Variants in EVA1A observed in about 807,000 individuals in gnomAD.
EVA1A encodes protein eva-1 homolog A.
Under a neutral mutation model 9.8 loss-of-function variants are expected in EVA1A, and 7 were observed. That is an observed-to-expected ratio of 0.71 (90% CI 0.41 to 1.34). EVA1A has a LOEUF of 1.34. Ranked by LOEUF, EVA1A falls within the 40% of genes most tolerant of loss-of-function variation. The probability of loss-of-function intolerance (pLI) is 0.01; values close to 1 mark genes in which losing one functional copy is unlikely to be tolerated. For missense variants in EVA1A, 206 were observed against 205.9 expected (o/e 1.00, Z 0.00); for synonymous variants, 90 against 85.6 (o/e 1.05, Z -0.28).
chr2:75,493,215 T>A lies in EVA1A; in HGVS notation c.*21A>T. 20 of 1,590,938 alleles carry A rather than the reference T, an allele frequency of 1.3e-5. No homozygotes were observed. Among genetic ancestry groups the A allele is most frequent in the Non-Finnish European group, 1.7e-5 (20 of 1,167,620 alleles). On this transcript the variant is annotated 3_prime_UTR_variant, in exon 4 of 4. Coordinates refer to ENST00000393913, the MANE Select transcript of EVA1A (RefSeq NM_001135032.2). The stretch of plus-strand genomic sequence containing the variant: ...CTCCTTTCCAGGCGGCCTCCAGTGG[T>A]TTCCGGGGTCCTGCTGCTCCCTAAT...
intron 3 of EVA1A, among the ~76,000 whole-genome samples, chr2:75,501,440 C>G (rs1247791300): frequency 6.6e-6 from 1 of 152,116 alleles, no homozygotes; most frequent in Non-Finnish European, 1.5e-5. Context: ...TGGAAATTCT[C>G]CCCTTAGGAA....
At chr2:75,539,126 C>A (rs909028399) in intron 1 of EVA1A, among the ~76,000 whole-genome samples, 1 of 152,172 alleles carries the variant, frequency 6.6e-6, no homozygotes, top group Non-Finnish European at 1.5e-5. Context: ...GAACCATAAT[C>A]TGCACATTAA....
At chr2:75,555,794 T>G (rs1413387113) in intron 1 of EVA1A, among the ~76,000 whole-genome samples, 1 of 152,184 alleles carries the variant, frequency 6.6e-6, no homozygotes, top group East Asian at 1.9e-4. Context: ...ACCATATGCC[T>G]ACATGTCTTC....
At chr2:75,567,399 T>C (rs77708153) in intron 1 of EVA1A, among the ~76,000 whole-genome samples, 2,571 of 152,284 alleles carry the variant, frequency 0.017, 74 homozygotes, top group African/African-American at 0.058. Context: ...TGTTAGGGTT[T>C]CATTATGAGA....
intron 3 of EVA1A, among the ~76,000 whole-genome samples, chr2:75,516,140 T>C (rs902415824): frequency 6.6e-6 from 1 of 152,248 alleles, no homozygotes; most frequent in Non-Finnish European, 1.5e-5. Context: ...GATTAGGACA[T>C]TTTCCACAAT....
intron 1 of EVA1A, among the ~76,000 whole-genome samples, chr2:75,528,365 C>T (rs985456225): frequency 2.0e-5 from 3 of 152,128 alleles, no homozygotes; most frequent in African/African-American, 7.2e-5. Context: ...AGCAGGGAGG[C>T]TTGTAGCCTG....
At chr2:75,566,641 A>C (rs1677034350) in intron 1 of EVA1A, among the ~76,000 whole-genome samples, 1 of 152,220 alleles carries the variant, frequency 6.6e-6, no homozygotes, top group South Asian at 2.1e-4. Context: ...ATTTCCTCAC[A>C]GGCCCTAGTC....
At chr2:75,512,622 G>T (rs1276329506) in intron 3 of EVA1A, among the ~76,000 whole-genome samples, 2 of 152,196 alleles carry the variant, frequency 1.3e-5, no homozygotes, top group Non-Finnish European at 2.9e-5. Flanking sequence ...GACATTAAAA[G>T]CTCTGGTAAG....
At chr2:75,508,004 A>G (rs1026744538) in intron 3 of EVA1A, among the ~76,000 whole-genome samples, 4 of 152,196 alleles carry the variant, frequency 2.6e-5, no homozygotes, top group Non-Finnish European at 4.4e-5. Context: ...CTTTACTGCA[A>G]TCTCTAAACA....
In EVA1A at chr2:75,549,005, TA is replaced by T. The variant is rs1366574957; in HGVS notation, c.-192+11674del. On this transcript the variant is annotated intron_variant, in intron 1 of 3. Transcript: ENST00000393913. ...AAAAATATATATATATATATATATA[TA>T]TATTTTTTTTTTTTTTACTAATAAA... Among the ~76,000 whole-genome samples, 273 of 97,086 alleles carry T rather than the reference TA, an allele frequency of 2.8e-3. 2 individuals are homozygous for T. The highest frequency in any genetic ancestry group is 0.011 in the African/African-American group (234 of 20,636). 63.7% of individuals were successfully genotyped at this position (97,086 alleles called of 152,430 possible). A position where few individuals can be genotyped will look rare whatever the true frequency, so the allele number is the denominator to read the frequency against.
Position 75,518,071 on chromosome 2 carries a change from A to T in EVA1A, c.70T>A (p.Tyr24Asn). 6.2e-7 allele frequency: 1 copy of T among 1,614,116 alleles called. No individual in the cohort carries two copies. The highest frequency in any genetic ancestry group is 8.5e-7 in the Non-Finnish European group (1 of 1,179,992). Residue 24 changes from tyrosine to asparagine, a missense_variant, in exon 3 of 4, where the codon TAT (tyrosine) becomes AAT (asparagine). Physicochemically the swap from Tyr to Asn is moderately radical, Grantham distance 143 (BLOSUM62 -2). Coordinates refer to ENST00000393913, the MANE Select transcript of EVA1A (RefSeq NM_001135032.2). ...AGGCACCTACCTGAGACAAAGGAAT[A>T]GGCCGCTAGGATGTTGCTGAGCAAA... ...MALLSNILAA[Y>N]SFVSENPERA... is the part of the protein sequence containing the mutation.
At chr2:75,547,319 G>T (rs1260714312) in intron 1 of EVA1A, among the ~76,000 whole-genome samples, 2 of 152,170 alleles carry the variant, frequency 1.3e-5, no homozygotes, top group Non-Finnish European at 2.9e-5. Context: ...AATGGTACAG[G>T]CTTTGACACC....
upstream of EVA1A, among the ~76,000 whole-genome samples, chr2:75,562,067 ACCCTCGGG>A (rs554990342): frequency 3.1e-4 from 47 of 151,868 alleles, no homozygotes; most frequent in South Asian, 9.8e-3. Context: ...GGAAATGAAA[ACCCTCGGG>A]CCGCACTTGA....
At chr2:75,495,314 A>G (rs1027616409) in intron 3 of EVA1A, among the ~76,000 whole-genome samples, 2 of 152,184 alleles carry the variant, frequency 1.3e-5, no homozygotes, top group African/African-American at 4.8e-5. Flanking sequence ...AACCAGCCCT[A>G]GGAGAGAGGG....
chr2:75,507,195 C>G (rs1469797823), intron 3 of EVA1A, among the ~76,000 whole-genome samples: 1 of 152,168 alleles, frequency 6.6e-6, no homozygotes, highest in Admixed American at 6.5e-5. Flanking sequence ...ATGCTGCATT[C>G]CAGCACTTTG....
At chr2:75,542,838 G>T (rs957663845) in intron 1 of EVA1A, 3 of 152,152 alleles carry the variant, frequency 2.0e-5, no homozygotes, top group East Asian at 1.9e-4. Context: ...AAGTTTGGGG[G>T]AATAATTTTG....
intron 1 of EVA1A, among the ~76,000 whole-genome samples, chr2:75,548,628 T>G (rs975495403): frequency 2.6e-5 from 4 of 152,282 alleles, no homozygotes; most frequent in Admixed American, 2.6e-4. Context: ...GGTCAGGCAC[T>G]CCTTCCTTAG....
At chr2:75,499,771 C>G (rs1674343913) in intron 3 of EVA1A, among the ~76,000 whole-genome samples, 1 of 152,162 alleles carries the variant, frequency 6.6e-6, no homozygotes, top group Non-Finnish European at 1.5e-5. Context: ...GTTGCTGCCT[C>G]TGCCCACAGA....
At chr2:75,523,587 G>A (rs745712379) in intron 1 of EVA1A, among the ~76,000 whole-genome samples, 1 of 152,178 alleles carries the variant, frequency 6.6e-6, no homozygotes, top group Non-Finnish European at 1.5e-5. Flanking sequence ...CAGCCTGCCA[G>A]CCACTTGGCT....
Sources: gnomAD v4.1 joint callset for allele counts (sites outside exome capture counted in the v4.1 genomes callset) on GRCh38, gnomAD v4.1.1 for gene constraint, MANE v1.5 for transcripts, NCBI Gene and HGNC (gene_info 2026-07-23, HGNC 2026-07-21) for gene names.